The following CORO7 variants were observed in gnomAD, a reference collection of about 807,000 sequenced individuals.
CORO7 encodes the protein coronin 7, also known as coronin-7.
In CORO7, 107 loss-of-function variants were observed where a neutral mutation model predicts 126.6. The observed-to-expected ratio is 0.85, with a 90% CI of 0.72 to 0.99. CORO7 has a LOEUF of 0.99. Ranked by LOEUF, CORO7 falls within the 50% of genes least tolerant of loss-of-function variation. The pLI, the probability that CORO7 is intolerant of heterozygous loss-of-function variation, is 0.00. For missense variants in CORO7, 1,314 were observed against 1,255.8 expected, an observed-to-expected ratio of 1.05 and a Z score of -0.70; for synonymous variants, 603 against 536.8, an observed-to-expected ratio of 1.12 and a Z score of -1.70.
intron 1 of CORO7, among the ~76,000 whole-genome samples, chr16:4,414,824 T>C (rs570509370): frequency 6.6e-6 from 1 of 152,176 alleles, no homozygotes; most frequent in East Asian, 1.9e-4. Flanking sequence ...CCGGCTGTCT[T>C]GATGCAAACC....
intron 5 of CORO7, 125 bp from the exon 6 acceptor site, chr16:4,405,692 A>AG (rs2055973133): frequency 1.8e-6 from 2 of 1,138,406 alleles, no homozygotes; most frequent in Admixed American, 4.9e-5. Flanking sequence ...TTTTCAGCCA[A>AG]GGGGGCAAGG....
intron 6 of CORO7, among the ~76,000 whole-genome samples, chr16:4,400,390 T>A (rs930348315): frequency 6.6e-6 from 1 of 152,096 alleles, no homozygotes; most frequent in African/African-American, 2.4e-5. Context: ...TCCCAGCACT[T>A]TGGGAGGCCG....
chr16:4,360,400 C>T, intron 20 of CORO7, 37 bp from the exon 21 acceptor site: 1 of 1,613,284 alleles, frequency 6.2e-7, no homozygotes, highest in Non-Finnish European at 8.5e-7. Context: ...AGCCAGCACC[C>T]CTGAACCAGG....
intron 9 of CORO7, chr16:4,382,838 C>T: frequency 6.3e-7 from 1 of 1,594,614 alleles, no homozygotes; most frequent in South Asian, 1.1e-5. Context: ...TGTGAGGTGC[C>T]ACTCATGGGC....
In CORO7 at chr16:4,364,695, C is replaced by G; in HGVS notation, c.1045-6G>C. On this transcript the variant is annotated splice_polypyrimidine_tract_variant and splice_region_variant and intron_variant, in intron 12 of 27. Coordinates refer to ENST00000251166, the MANE Select transcript of CORO7 (RefSeq NM_024535.5). ...TCCTCGTGGAACTCCACAGCCTGGCCGCAGACAAGCAGGCAGCTAGTGAGG... is the reference window on the plus strand; with the variant it reads ...TCCTCGTGGAACTCCACAGCCTGGCGGCAGACAAGCAGGCAGCTAGTGAGG... 6.3e-7 allele frequency: 1 copy of G among 1,584,056 alleles called. No individual in the cohort carries two copies.
chr16:4,413,422 A>G lies in CORO7; in HGVS notation c.61-18T>C, dbSNP rs746756919. 8 of 1,557,240 alleles carry G rather than the reference A, an allele frequency of 5.1e-6. No individual in the cohort carries two copies. In the Admixed American group the frequency reaches 5.8e-5, roughly 11 times the overall value. On this transcript the variant is annotated intron_variant, in intron 1 of 27. Coordinates refer to ENST00000251166, the MANE Select transcript of CORO7 (RefSeq NM_024535.5). ...ATCCAGGACTGAAAATCAAGAGTAA[A>G]GAAGTATGTGGTGAGAGCCAGGGTT...
At chr16:4,416,209 G>A (rs1237663116) in intron 1 of CORO7, among the ~76,000 whole-genome samples, 2 of 152,276 alleles carry the variant, frequency 1.3e-5, no homozygotes, top group Non-Finnish European at 2.9e-5. Context: ...CCCGGGGCGA[G>A]GTGGGCGAGG....
In CORO7 at chr16:4,383,334, C is replaced by T. The variant is rs552924712; in HGVS notation, c.785+4652G>A. On this transcript the variant is annotated intron_variant, in intron 9 of 27. Coordinates refer to ENST00000251166, the MANE Select transcript of CORO7 (RefSeq NM_024535.5). Reference sequence around the variant, plus strand: ...GTCTTGGCCCCAGGAAGCGAAGGAACAAAAGAAACTGGAAAGGAAGATGCT... The same window carrying T: ...GTCTTGGCCCCAGGAAGCGAAGGAATAAAAGAAACTGGAAAGGAAGATGCT... 1.6e-5 allele frequency: 3 copies of T among 192,882 alleles called. No homozygotes were observed. In the East Asian group the frequency reaches 4.4e-4, roughly 29 times the overall value. The allele number at this position is 192,882 out of a possible 1,614,324, so 11.9% of individuals were successfully genotyped here.
intron 21 of CORO7, among the ~76,000 whole-genome samples, chr16:4,359,988 C>T (rs1364500575): frequency 7.4e-6 from 1 of 134,764 alleles, no homozygotes; most frequent in Non-Finnish European, 1.6e-5. Context: ...CCCTCCCCTG[C>T]ATCCATCTCC....
intron 14 of CORO7, chr16:4,363,262 C>T (rs901043275): frequency 2.0e-5 from 3 of 151,236 alleles, no homozygotes; most frequent in African/African-American, 7.3e-5. Context: ...AAGCCTGACT[C>T]TACTAAAAAA....
Position 4,407,520 on chromosome 16 carries a change from G to GGCT in CORO7, c.465_467dup (p.Ala156dup). ...CTGTACCTGTCAGGGGCTGCTGCTT[G>GGCT]GCTGCGTCCCAGACCTTCACAGTGG... On this transcript the variant is annotated inframe_insertion, in exon 5 of 28. Coordinates refer to ENST00000251166, the MANE Select transcript of CORO7 (RefSeq NM_024535.5). The GGCT allele has an allele frequency of 6.4e-7, 1 of 1,571,276 alleles. No homozygotes were observed. The highest frequency in any genetic ancestry group is 1.4e-5 in the African/African-American group (1 of 73,944).
intron 7 of CORO7, among the ~76,000 whole-genome samples, chr16:4,388,973 T>C (rs1407280582): frequency 6.6e-6 from 1 of 152,196 alleles, no homozygotes; most frequent in Admixed American, 6.5e-5. Flanking sequence ...GCACTGGCAC[T>C]TTCTTGCCCC....
intron 6 of CORO7, chr16:4,397,408 C>T (rs563198374): frequency 6.6e-6 from 1 of 150,694 alleles, no homozygotes; most frequent in Non-Finnish European, 1.5e-5. Context: ...GAACCGAGAT[C>T]GTGCCACTAC....
At chr16:4,364,576 G>A (rs750086980) in intron 13 of CORO7, 21 bp downstream of exon 13, 3 of 1,547,574 alleles carry the variant, frequency 1.9e-6, no homozygotes, top group African/African-American at 1.4e-5. Context: ...GCTGGGAGAG[G>A]TGAGCCAGCC....
Position 4,359,286 on chromosome 16 carries a change from G to A in CORO7, c.2340+10C>T, listed in dbSNP as rs1208330275. 7 of 1,595,012 alleles carry A rather than the reference G, an allele frequency of 4.4e-6. No homozygotes were observed. Among genetic ancestry groups the A allele is most frequent in the Non-Finnish European group, 6.0e-6 (7 of 1,171,870 alleles). ...GTCCCATCGGGGACGAGGCGCCAGG[G>A]TGGCCTCACCTTGTGGGGGTCAGGC... is the stretch of plus-strand genomic sequence containing the variant. On this transcript the variant is annotated intron_variant, in intron 23 of 27. Coordinates refer to ENST00000251166, the MANE Select transcript of CORO7 (RefSeq NM_024535.5).
intron 7 of CORO7, among the ~76,000 whole-genome samples, chr16:4,392,698 C>G (rs1042650403): frequency 3.3e-5 from 5 of 152,252 alleles, no homozygotes; most frequent in African/African-American, 1.2e-4. Context: ...GAAGGCCTCT[C>G]CCTCGAGCCG....
At chr16:4,382,792 G>T (rs753091510) in intron 9 of CORO7, 1 of 1,586,140 alleles carries the variant, frequency 6.3e-7, no homozygotes, top group Admixed American at 1.8e-5. Flanking sequence ...GAAGGCAACA[G>T]AGGGCGGTGG....
chr16:4,380,838 T>C, intron 9 of CORO7: 1 of 1,440,000 alleles, frequency 6.9e-7, no homozygotes, highest in Non-Finnish European at 9.1e-7. Context: ...TGACTCACAG[T>C]CTTCTGTCTC....
Position 4,360,541 on chromosome 16 carries a change from C to T in CORO7, c.1925G>A (p.Ser642Asn), listed in dbSNP as rs1269963772. The change falls in exon 20 of 28, where the codon AGC becomes AAC. Residue 642 changes from serine to asparagine, a missense_variant. Coordinates refer to ENST00000251166, the MANE Select transcript of CORO7 (RefSeq NM_024535.5). ...KLQGHQDQIF[S>N]LAWSPDGQQL... ...CTGCCCATCAGGACTCCAGGCCAGGCTGAAGATCTGGGGGCAGGAAGGGAT... is the reference window on the plus strand; with the variant it reads ...CTGCCCATCAGGACTCCAGGCCAGGTTGAAGATCTGGGGGCAGGAAGGGAT... 1 of 1,603,346 alleles carries T rather than the reference C, an allele frequency of 6.2e-7. No individual in the cohort carries two copies. The highest frequency in any genetic ancestry group is 1.3e-5 in the African/African-American group (1 of 74,766).
Sources: allele counts gnomAD v4.1 joint callset (sites outside exome capture counted in the v4.1 genomes callset), GRCh38; gene constraint gnomAD v4.1.1; transcripts MANE v1.5; gene names NCBI Gene and HGNC (gene_info 2026-07-23, HGNC 2026-07-21).